Variants in CHCHD6 observed in about 807,000 individuals in gnomAD.
CHCHD6 encodes the protein MICOS complex subunit MIC25.
In CHCHD6, 28 loss-of-function variants were observed where a neutral mutation model predicts 32.3. The ratio of observed to expected loss-of-function variants is 0.87; its 90% confidence interval spans 0.64 to 1.19. The LOEUF (loss-of-function observed/expected upper bound fraction) is 1.19, where lower values mean the gene tolerates loss of function less well. CHCHD6 is among the 50% of genes most tolerant of loss of function. The probability of loss-of-function intolerance (pLI) is 0.00; values close to 1 mark genes in which losing one functional copy is unlikely to be tolerated. For missense variants in CHCHD6, 333 were observed against 307.0 expected, an observed-to-expected ratio of 1.08 and a Z score of -0.63; for synonymous variants, 122 against 117.5, an observed-to-expected ratio of 1.04 and a Z score of -0.25.
chr3:126,896,283 AT>A (rs2077837776), intron 5 of CHCHD6, among the ~76,000 whole-genome samples: 1 of 152,168 alleles, frequency 6.6e-6, no homozygotes, highest in African/African-American at 2.4e-5. Flanking sequence ...TGGAGGGCAT[AT>A]GTTCTCTCTC....
intron 5 of CHCHD6, among the ~76,000 whole-genome samples, chr3:126,864,941 CCACCATCAT>C (rs1175948845): frequency 6.6e-6 from 1 of 151,524 alleles, no homozygotes; most frequent in Non-Finnish European, 1.5e-5. Context: ...ACCTCCTCCT[CCACCATCAT>C]CTCCTCCTCC....
At chr3:126,912,456 T>C (rs2078105037) in intron 5 of CHCHD6, among the ~76,000 whole-genome samples, 1 of 152,236 alleles carries the variant, frequency 6.6e-6, no homozygotes, top group African/African-American at 2.4e-5. Context: ...TGGCAGCAGC[T>C]GGCTGTGGTG....
intron 6 of CHCHD6, among the ~76,000 whole-genome samples, chr3:126,928,308 G>A: frequency 6.6e-6 from 1 of 152,220 alleles, no homozygotes. Context: ...TTAGAGACAG[G>A]TATCAGGTGA....
chr3:126,778,371 A>G (rs750566127), intron 4 of CHCHD6, among the ~76,000 whole-genome samples: 19 of 152,338 alleles, frequency 1.2e-4, no homozygotes, highest in Middle Eastern at 3.4e-3. Flanking sequence ...GGCTGCCAGC[A>G]CCATTTTACA....
At position 126,792,805 on chromosome 3, in the gene CHCHD6, G is replaced by A. The variant is rs115660546; in HGVS notation, c.411+59583G>A. 2.9e-3 allele frequency among the ~76,000 whole-genome samples: 434 copies of A among 152,124 alleles called. 2 individuals are homozygous for A. The highest frequency in any genetic ancestry group is 4.0e-3 in the Admixed American group (61 of 15,280). Reference sequence around the variant, plus strand: ...TCTTCTATATTCTTGTTAATTTTCTGTCTAGTGGTTGTATCAGTTTCTGAG... The same window carrying A: ...TCTTCTATATTCTTGTTAATTTTCTATCTAGTGGTTGTATCAGTTTCTGAG... On this transcript the variant is annotated intron_variant, in intron 4 of 7. Coordinates refer to ENST00000290913, the MANE Select transcript of CHCHD6 (RefSeq NM_032343.3).
chr3:126,923,255 T>C (rs567788268), intron 6 of CHCHD6, among the ~76,000 whole-genome samples: 2 of 152,268 alleles, frequency 1.3e-5, no homozygotes, highest in African/African-American at 4.8e-5. Flanking sequence ...TTAAGCTGTT[T>C]GTCTTTTTAT....
At chr3:126,864,444 T>C (rs1942154736) in intron 5 of CHCHD6, among the ~76,000 whole-genome samples, 2 of 106,812 alleles carry the variant, frequency 1.9e-5, no homozygotes, top group Non-Finnish European at 4.0e-5. Flanking sequence ...ACCTTCACCA[T>C]CATCACTGCC....
At chr3:126,861,963 T>C (rs1009306851) in intron 5 of CHCHD6, among the ~76,000 whole-genome samples, 41 of 9,534 alleles carry the variant, frequency 4.3e-3, no homozygotes, top group East Asian at 6.8e-3. Context: ...CCATCACCAC[T>C]TCCCCCTCCT....
chr3:126,910,913 G>A lies in CHCHD6; in HGVS notation c.496-3767G>A, dbSNP rs73207630. On this transcript the variant is annotated intron_variant, in intron 5 of 7. Transcript: ENST00000290913. ...TGTGCCCATGCATGCACAGCACCTCGCCCTGACAAGGACGGGGTGCACAGA... is the reference window on the plus strand; with the variant it reads ...TGTGCCCATGCATGCACAGCACCTCACCCTGACAAGGACGGGGTGCACAGA... Among the ~76,000 whole-genome samples, 1,106 of 152,254 alleles carry A rather than the reference G, an allele frequency of 7.3e-3. 7 individuals are homozygous for A. Among genetic ancestry groups the A allele is most frequent in the Non-Finnish European group, 0.012 (813 of 68,016 alleles).
intron 4 of CHCHD6, among the ~76,000 whole-genome samples, chr3:126,843,677 T>C (rs1941187264): frequency 6.6e-6 from 1 of 152,208 alleles, no homozygotes; most frequent in African/African-American, 2.4e-5. Flanking sequence ...GAATTTTTCA[T>C]CTATTCTTGA....
intron 6 of CHCHD6, among the ~76,000 whole-genome samples, chr3:126,917,660 C>G (rs1576600368): frequency 1.3e-5 from 2 of 152,198 alleles, no homozygotes; most frequent in African/African-American, 4.8e-5. Context: ...TGGTTTGTCT[C>G]TCCAGAACAC....
At chr3:126,800,381 A>G (rs1939007040) in intron 4 of CHCHD6, among the ~76,000 whole-genome samples, 1 of 152,172 alleles carries the variant, frequency 6.6e-6, no homozygotes, top group South Asian at 2.1e-4. Context: ...TTGGTGGGTA[A>G]TTGAGAAATC....
chr3:126,863,093 CCA>C (rs1942013719), intron 5 of CHCHD6, among the ~76,000 whole-genome samples: 1 of 36,678 alleles, frequency 2.7e-5, no homozygotes, highest in Non-Finnish European at 5.2e-5. Flanking sequence ...TCCTCCTCCA[CCA>C]TCACCACCTC....
intron 1 of CHCHD6, among the ~76,000 whole-genome samples, chr3:126,708,957 C>G (rs542934699): frequency 2.4e-4 from 37 of 152,232 alleles, no homozygotes; most frequent in African/African-American, 8.7e-4. Context: ...TCCAGGACCC[C>G]CATGGATACC....
intron 4 of CHCHD6, among the ~76,000 whole-genome samples, chr3:126,834,466 G>C (rs1383444438): frequency 6.6e-6 from 1 of 152,016 alleles, no homozygotes; most frequent in Non-Finnish European, 1.5e-5. Flanking sequence ...AAGTTGTTGG[G>C]GGTCGCCTGT....
chr3:126,957,189 G>A, intron 6 of CHCHD6: 2 of 594,846 alleles, frequency 3.4e-6, no homozygotes, highest in Middle Eastern at 4.5e-4. Context: ...TTCAGTGTCT[G>A]CTATATTGTG....
Position 126,768,130 on chromosome 3 carries a change from G to A in CHCHD6, c.411+34908G>A, listed in dbSNP as rs534586657. Among the ~76,000 whole-genome samples the A allele has an allele frequency of 6.6e-4, 100 of 152,270 alleles. No homozygotes were observed. The South Asian group carries it at 7.1e-3, about 11-fold the overall frequency. On this transcript the variant is annotated intron_variant, in intron 4 of 7. Coordinates refer to ENST00000290913, the MANE Select transcript of CHCHD6 (RefSeq NM_032343.3). ...TTGTAATCCCCAGTGTTGGAGGTGG[G>A]GCCTAGTGGGCAGTGATTGGATCGT...
At chr3:126,811,478 T>C (rs1049911299) in intron 4 of CHCHD6, among the ~76,000 whole-genome samples, 32 of 152,210 alleles carry the variant, frequency 2.1e-4, no homozygotes, top group African/African-American at 7.5e-4. Context: ...AAACAGAACA[T>C]CTTGACAAAA....
intron 6 of CHCHD6, among the ~76,000 whole-genome samples, chr3:126,929,150 C>T (rs554429437): frequency 5.3e-5 from 8 of 152,326 alleles, no homozygotes; most frequent in Non-Finnish European, 8.8e-5. Context: ...CTTCCTTTTC[C>T]TTCAACTTTA....
Sources: gnomAD v4.1 joint callset for allele counts (sites outside exome capture counted in the v4.1 genomes callset) on GRCh38, gnomAD v4.1.1 for gene constraint, MANE v1.5 for transcripts, NCBI Gene and HGNC (gene_info 2026-07-23, HGNC 2026-07-21) for gene names.